IGFL2: variants seen among roughly 807,000 people sequenced by gnomAD.
IGFL2 encodes insulin growth factor-like family member 2.
In IGFL2, 7 loss-of-function variants were observed where a neutral mutation model predicts 13.9. The observed-to-expected ratio is 0.51, with a 90% CI of 0.29 to 0.95. The LOEUF (loss-of-function observed/expected upper bound fraction) is 0.95, where lower values mean the gene tolerates loss of function less well. Ranked by LOEUF, IGFL2 falls within the 40% of genes least tolerant of loss-of-function variation. The pLI is 0.08. For missense variants in IGFL2, 138 were observed against 147.8 expected, an observed-to-expected ratio of 0.93 and a Z score of 0.34; for synonymous variants, 55 against 55.8, an observed-to-expected ratio of 0.99 and a Z score of 0.07.
At chr19:46,214,503 T>A in the IGFL2 span, 1 of 152,186 alleles carries the variant, frequency 6.6e-6, no homozygotes, top group African/African-American at 2.4e-5. Context: ...TGAAGAACAG[T>A]CACTGAGGTG....
chr19:46,092,619 G>A, the IGFL2 span, among the ~76,000 whole-genome samples: 1 of 151,800 alleles, frequency 6.6e-6, no homozygotes, highest in African/African-American at 2.4e-5. Context: ...CAGCCTGGGT[G>A]ACAGAGTGAG....
chr19:46,122,670 T>C, the IGFL2 span, among the ~76,000 whole-genome samples: 1 of 150,984 alleles, frequency 6.6e-6, no homozygotes, highest in Non-Finnish European at 1.5e-5. Context: ...TTACATTCGG[T>C]TACTGTCAGA....
At chr19:46,159,989 C>CA in intron 1 of IGFL2, 2 of 198,508 alleles carry the variant, frequency 1.0e-5, no homozygotes, top group South Asian at 1.0e-4. Flanking sequence ...AGCAAACAAA[C>CA]AAAAAAAGAC....
At chr19:46,162,265 G>A (rs1046431242), downstream of IGFL2, among the ~76,000 whole-genome samples, 7 of 152,158 alleles carry the variant, frequency 4.6e-5, no homozygotes, top group African/African-American at 1.4e-4. Context: ...ATGATTATGT[G>A]TCTTGGGGAT....
the IGFL2 span, among the ~76,000 whole-genome samples, chr19:46,098,938 A>G: frequency 2.0e-5 from 3 of 152,182 alleles, no homozygotes; most frequent in Admixed American, 6.5e-5. Context: ...GTACTTCAGC[A>G]TGTCTTTGCA....
chr19:46,115,620 C>T, the IGFL2 span, among the ~76,000 whole-genome samples: 1 of 152,044 alleles, frequency 6.6e-6, no homozygotes, highest in Non-Finnish European at 1.5e-5. Context: ...TCTGGTGACT[C>T]AGCCTGAGTG....
the IGFL2 span, among the ~76,000 whole-genome samples, chr19:46,100,238 T>C: frequency 6.6e-6 from 1 of 152,168 alleles, no homozygotes; most frequent in Non-Finnish European, 1.5e-5. Flanking sequence ...ATTGATTCTT[T>C]CTCATCTATA....
At chr19:46,196,817 G>T in the IGFL2 span, 1 of 152,534 alleles carries the variant, frequency 6.6e-6, no homozygotes, top group African/African-American at 2.4e-5. Context: ...AAGATGGCTC[G>T]TGGCCTCCTC....
At chr19:46,139,196 T>G (rs1449541374), upstream of IGFL2, among the ~76,000 whole-genome samples, 1 of 151,626 alleles carries the variant, frequency 6.6e-6, no homozygotes, top group Non-Finnish European at 1.5e-5. Context: ...GCTGAGGGCC[T>G]GCCTCCCTCA....
At chr19:46,084,454 C>T in the IGFL2 span, among the ~76,000 whole-genome samples, 255 of 152,294 alleles carry the variant, frequency 1.7e-3, 3 homozygotes, top group East Asian at 0.038. Context: ...CTGTCTCTCT[C>T]TTCAGATATA....
chr19:46,079,206 A>G, the IGFL2 span, among the ~76,000 whole-genome samples: 1 of 152,264 alleles, frequency 6.6e-6, no homozygotes. Flanking sequence ...CCTTGGTGTC[A>G]GTAGTCATTG....
chr19:46,080,109 C>T, the IGFL2 span, among the ~76,000 whole-genome samples: 4 of 152,306 alleles, frequency 2.6e-5, no homozygotes, highest in Admixed American at 6.5e-5. Flanking sequence ...TAAAGATTGT[C>T]GTTTTCACTT....
chr19:46,171,517 T>G, the IGFL2 span, among the ~76,000 whole-genome samples: 1 of 152,170 alleles, frequency 6.6e-6, no homozygotes, highest in Non-Finnish European at 1.5e-5. Context: ...TTTCAGAGTA[T>G]TGTGTCTTAT....
chr19:46,149,217 TCTTTTCTCTCTCTCC>T (rs1366626633), intron 1 of IGFL2, among the ~76,000 whole-genome samples: 1 of 149,868 alleles, frequency 6.7e-6, no homozygotes, highest in Non-Finnish European at 1.5e-5. Flanking sequence ...TCTCTCCCTC[TCTTTTCTCTCTCTCC>T]CTTTTCTCTC....
chr19:46,193,899 T>C, the IGFL2 span, among the ~76,000 whole-genome samples: 2 of 152,204 alleles, frequency 1.3e-5, no homozygotes, highest in African/African-American at 4.8e-5. Context: ...TCAGCCTCTC[T>C]GTTTCCACCA....
the IGFL2 span, among the ~76,000 whole-genome samples, chr19:46,118,599 A>G: frequency 1.3e-5 from 2 of 152,202 alleles, no homozygotes. Context: ...ACACACTCCC[A>G]CAGGCATCTG....
At chr19:46,121,886 C>T in the IGFL2 span, among the ~76,000 whole-genome samples, 1 of 150,824 alleles carries the variant, frequency 6.6e-6, no homozygotes, top group Non-Finnish European at 1.5e-5. Flanking sequence ...GGTAAGGTTG[C>T]AGTGAGCTGA....
At chr19:46,087,131 A>G in the IGFL2 span, among the ~76,000 whole-genome samples, 1 of 152,066 alleles carries the variant, frequency 6.6e-6, no homozygotes, top group African/African-American at 2.4e-5. Flanking sequence ...AGGTATTGAG[A>G]ATAGCAGTGG....
the IGFL2 span, among the ~76,000 whole-genome samples, chr19:46,107,220 A>C: frequency 1.3e-5 from 2 of 152,146 alleles, no homozygotes; most frequent in African/African-American, 4.8e-5. Context: ...ATATTGATCA[A>C]GAAGGGGATG....
Sources: allele counts gnomAD v4.1 joint callset (sites outside exome capture counted in the v4.1 genomes callset), GRCh38; gene constraint gnomAD v4.1.1; transcripts MANE v1.5; gene names NCBI Gene and HGNC (gene_info 2026-07-23, HGNC 2026-07-21).